NR3C2: variants seen among roughly 807,000 people sequenced by gnomAD.
The protein encoded by NR3C2 is mineralocorticoid receptor.
NR3C2 carries 15 observed loss-of-function variants against 86.4 expected under a neutral mutation model. That is an observed-to-expected ratio of 0.17 (90% CI 0.12 to 0.27). NR3C2 has a LOEUF of 0.27. Ranked by LOEUF, NR3C2 falls within the 10% of genes least tolerant of loss-of-function variation. NR3C2 has a pLI of 1.00. For synonymous variants in NR3C2, 458 were observed against 450.5 expected, an observed-to-expected ratio of 1.02 and a Z score of -0.21; for missense variants, 960 against 1,195.6, an observed-to-expected ratio of 0.80 and a Z score of 2.91.
intron 2 of NR3C2, among the ~76,000 whole-genome samples, chr4:148,412,504 C>T (rs1512329): frequency 0.1 from 15,536 of 152,052 alleles, 967 homozygotes; most frequent in Middle Eastern, 0.33. Context: ...TAATAAAATG[C>T]AGGCACTGTC....
chr4:148,262,588 T>C (rs980653352), intron 2 of NR3C2, among the ~76,000 whole-genome samples: 2 of 152,158 alleles, frequency 1.3e-5, no homozygotes, highest in African/African-American at 4.8e-5. Context: ...CCCCCAAAAA[T>C]TCATATGCTG....
chr4:148,097,650 G>A (rs1018707056), intron 8 of NR3C2, among the ~76,000 whole-genome samples: 19 of 151,974 alleles, frequency 1.3e-4, no homozygotes, highest in African/African-American at 4.6e-4. Flanking sequence ...TCCAACCCAT[G>A]GCCCACGGGC....
chr4:148,322,167 G>A (rs1460945334), intron 2 of NR3C2, among the ~76,000 whole-genome samples: 1 of 147,794 alleles, frequency 6.8e-6, no homozygotes, highest in South Asian at 2.2e-4. Flanking sequence ...TGAAATTCTG[G>A]GTTGAAAATT....
intron 2 of NR3C2, among the ~76,000 whole-genome samples, chr4:148,387,182 T>C (rs1747307154): frequency 6.6e-6 from 1 of 152,220 alleles, no homozygotes; most frequent in South Asian, 2.1e-4. Flanking sequence ...GCAGGTTTTA[T>C]TGGTTTGTAC....
intron 2 of NR3C2, among the ~76,000 whole-genome samples, chr4:148,345,395 A>T (rs1194865682): frequency 6.6e-6 from 1 of 151,916 alleles, no homozygotes; most frequent in Non-Finnish European, 1.5e-5. Flanking sequence ...GGCAAGAGTA[A>T]AAAAAATACA....
intron 3 of NR3C2, among the ~76,000 whole-genome samples, chr4:148,202,403 A>G (rs1345585240): frequency 6.6e-6 from 1 of 152,210 alleles, no homozygotes; most frequent in Non-Finnish European, 1.5e-5. Flanking sequence ...CATTGGCTTC[A>G]TCCTTTTGTG....
intron 4 of NR3C2, among the ~76,000 whole-genome samples, chr4:148,185,692 TTCTATACA>T (rs1447115197): frequency 5.9e-5 from 9 of 152,178 alleles, no homozygotes; most frequent in Non-Finnish European, 1.3e-4. Flanking sequence ...TCCAGAAATG[TTCTATACA>T]ATATGCTTTC....
At chr4:148,198,756 G>C (rs967519518) in intron 3 of NR3C2, among the ~76,000 whole-genome samples, 2 of 151,852 alleles carry the variant, frequency 1.3e-5, no homozygotes, top group African/African-American at 4.8e-5. Flanking sequence ...TGGTAGAGGT[G>C]GTAGTGATGA....
intron 2 of NR3C2, among the ~76,000 whole-genome samples, chr4:148,394,914 T>G (rs1747783114): frequency 6.6e-6 from 1 of 152,104 alleles, no homozygotes; most frequent in Non-Finnish European, 1.5e-5. Context: ...CTACCTATGA[T>G]AAAGGCATAG....
chr4:148,378,254 A>G (rs1414560077), intron 2 of NR3C2, among the ~76,000 whole-genome samples: 3 of 152,164 alleles, frequency 2.0e-5, no homozygotes. Flanking sequence ...AATTAAATTA[A>G]TAACAGTGTT....
intron 2 of NR3C2, among the ~76,000 whole-genome samples, chr4:148,311,385 G>T (rs116679111): frequency 6.6e-6 from 1 of 152,162 alleles, no homozygotes; most frequent in South Asian, 2.1e-4. Context: ...CCCCATCTGG[G>T]TTAATGACAA....
chr4:148,130,231 T>A (rs570692670), intron 6 of NR3C2, among the ~76,000 whole-genome samples: 15 of 152,322 alleles, frequency 9.8e-5, no homozygotes, highest in African/African-American at 3.6e-4. Context: ...ACTACCTTTA[T>A]CACTCTTTTC....
chr4:148,153,558 C>T (rs1734205005), intron 5 of NR3C2, among the ~76,000 whole-genome samples: 1 of 152,186 alleles, frequency 6.6e-6, no homozygotes, highest in Non-Finnish European at 1.5e-5. Flanking sequence ...GGGCAAGCTC[C>T]TCTTCAAAGA....
At chr4:148,389,100 T>C (rs1017578339) in intron 2 of NR3C2, among the ~76,000 whole-genome samples, 4 of 152,186 alleles carry the variant, frequency 2.6e-5, no homozygotes, top group Admixed American at 6.5e-5. Context: ...AAATTTCCAC[T>C]TTCATCTACC....
chr4:148,327,819 T>C (rs1438087612), intron 2 of NR3C2, among the ~76,000 whole-genome samples: 1 of 152,180 alleles, frequency 6.6e-6, no homozygotes, highest in Non-Finnish European at 1.5e-5. Context: ...ATCTCTCAGG[T>C]TCTGTTATAT....
At chr4:148,109,863 T>G (rs1236943418) in intron 8 of NR3C2, among the ~76,000 whole-genome samples, 1 of 152,246 alleles carries the variant, frequency 6.6e-6, no homozygotes, top group East Asian at 1.9e-4. Context: ...GAGGTACTAT[T>G]AATATCATCT....
intron 6 of NR3C2, among the ~76,000 whole-genome samples, chr4:148,142,223 G>A (rs1280365771): frequency 6.6e-6 from 1 of 152,200 alleles, no homozygotes; most frequent in Non-Finnish European, 1.5e-5. Context: ...AGCTGGCAAT[G>A]CAAAGGTAAA....
At chr4:148,247,461 A>G (rs1275845775) in intron 3 of NR3C2, among the ~76,000 whole-genome samples, 1 of 152,106 alleles carries the variant, frequency 6.6e-6, no homozygotes, top group African/African-American at 2.4e-5. Context: ...TCCTGCTTCT[A>G]TTTGACTTTT....
intron 2 of NR3C2, among the ~76,000 whole-genome samples, chr4:148,324,109 C>G (rs1437405729): frequency 6.6e-6 from 1 of 152,068 alleles, no homozygotes; most frequent in African/African-American, 2.4e-5. Flanking sequence ...CCTATATGCT[C>G]CATGATTAAC....
Sources: gnomAD v4.1 joint callset for allele counts (sites outside exome capture counted in the v4.1 genomes callset) on GRCh38, gnomAD v4.1.1 for gene constraint, MANE v1.5 for transcripts, NCBI Gene and HGNC (gene_info 2026-07-23, HGNC 2026-07-21) for gene names.